INPP5B: variants seen among roughly 807,000 people sequenced by gnomAD.
The protein encoded by INPP5B is type II inositol 1,4,5-trisphosphate 5-phosphatase.
INPP5B carries 90 observed loss-of-function variants against 118.5 expected under a neutral mutation model. The observed-to-expected ratio is 0.76, with a 90% confidence interval of 0.64 to 0.90. The LOEUF (loss-of-function observed/expected upper bound fraction) is 0.90. INPP5B is among the 40% of genes least tolerant of loss of function. The probability of loss-of-function intolerance (pLI) is 0.00; values close to 1 mark genes in which losing one functional copy is unlikely to be tolerated. For missense variants in INPP5B, 984 were observed against 1,125.6 expected, an observed-to-expected ratio of 0.87 and a Z score of 1.80; for synonymous variants, 385 against 418.9, an observed-to-expected ratio of 0.92 and a Z score of 0.99.
At chr1:37,882,091 T>A (rs1360315538) in intron 14 of INPP5B, among the ~76,000 whole-genome samples, 2 of 149,294 alleles carry the variant, frequency 1.3e-5, no homozygotes, top group African/African-American at 4.9e-5. Context: ...AGAGCAAGAC[T>A]CTGTCTCAAA....
At chr1:37,893,822 C>T (rs566579219) in intron 7 of INPP5B, among the ~76,000 whole-genome samples, 21 of 152,322 alleles carry the variant, frequency 1.4e-4, no homozygotes, top group African/African-American at 4.8e-4. Context: ...TGATGCCATG[C>T]TCTAAGCATA....
intron 7 of INPP5B, among the ~76,000 whole-genome samples, chr1:37,903,852 T>G (rs1033909673): frequency 6.6e-6 from 1 of 152,180 alleles, no homozygotes; most frequent in Admixed American, 6.5e-5. Flanking sequence ...ATCACGGCAT[T>G]ATACTTGACG....
At chr1:37,944,962 C>G (rs1244267995) in intron 3 of INPP5B, among the ~76,000 whole-genome samples, 7 of 152,086 alleles carry the variant, frequency 4.6e-5, no homozygotes, top group African/African-American at 7.2e-5. Flanking sequence ...AGGAGTAAAA[C>G]AACTTGCTCA....
At position 37,873,097 on chromosome 1, in the gene INPP5B, C is replaced by T. The variant is rs1013250274; in HGVS notation, c.2020G>A (p.Glu674Lys). ...KMTATKLNSG[E>K]DKIEDILVLH... ...ACCAGAATGTCCTCAATTTTGTCTTCACCCGAGTTGAGCTTTGTAGCTGTC... is the reference window on the plus strand; with the variant it reads ...ACCAGAATGTCCTCAATTTTGTCTTTACCCGAGTTGAGCTTTGTAGCTGTC... Residue 674 changes from glutamate to lysine, a missense_variant, in exon 19 of 24, where the codon GAA becomes AAA. By Grantham distance (56) the Glu-to-Lys change is moderately conservative (BLOSUM62 1). Transcript: ENST00000373024. 5.6e-6 allele frequency: 9 copies of T among 1,614,052 alleles called. No homozygotes were observed. The highest frequency in any genetic ancestry group is 7.6e-6 in the Non-Finnish European group (9 of 1,180,030).
At position 37,945,817 on chromosome 1, in the gene INPP5B, G is replaced by A. The variant is rs182465254; in HGVS notation, c.91C>T (p.Arg31Trp). 1.4e-5 allele frequency: 23 copies of A among 1,614,006 alleles called. No individual in the cohort carries two copies. Among genetic ancestry groups the A allele is most frequent in the East Asian group, 4.5e-5 (2 of 44,868 alleles). Residue 31 changes from arginine (R) to tryptophan (W), a missense_variant, in exon 3 of 24, where the codon CGG becomes TGG. Around this residue, in one of 2 missense-constraint regions of INPP5B, gnomAD observed 350 missense variants for 334.6 expected, o/e 1.05. Coordinates refer to ENST00000373024, the MANE Select transcript of INPP5B (RefSeq NM_005540.3). ...ACGAGTCCCAGGAGGCGGCTCTGCCGGCTGTCCCCCTCACACAGCACACCT... is the reference window on the plus strand; with the variant it reads ...ACGAGTCCCAGGAGGCGGCTCTGCCAGCTGTCCCCCTCACACAGCACACCT... Reference protein sequence around the residue: ...VQGVLCEGDSRQSRLLGLVRY... With the variant: ...VQGVLCEGDSWQSRLLGLVRY...
intron 23 of INPP5B, 91 bp from the exon 24 acceptor site, chr1:37,862,521 T>C: frequency 4.9e-6 from 4 of 814,984 alleles, no homozygotes; most frequent in Admixed American, 3.8e-5. Flanking sequence ...TTCTGAGAAA[T>C]GTGTCATTAG....
chr1:37,912,908 T>C (rs887400745), intron 7 of INPP5B, among the ~76,000 whole-genome samples: 15 of 150,910 alleles, frequency 9.9e-5, no homozygotes, highest in Non-Finnish European at 1.9e-4. Context: ...TTTGCATTTC[T>C]CTTTCCTCTA....
chr1:37,882,890 A>C lies in INPP5B; in HGVS notation c.1348T>G (p.Tyr450Asp). The change falls in exon 14 of 24, where the codon TAC (tyrosine) becomes GAC (aspartate). Residue 450 changes from tyrosine to aspartate, a missense_variant. Coordinates refer to ENST00000373024, the MANE Select transcript of INPP5B (RefSeq NM_005540.3). ...TCCACATCCAGCTCTTCTATCCTGT[A>C]GTTGAGGTCCCCCAGCCACAAGATC... ...DVILWLGDLNYRIEELDVEKV... is the reference protein window; with the variant it reads ...DVILWLGDLNDRIEELDVEKV... 1.2e-6 allele frequency: 2 copies of C among 1,614,052 alleles called. No homozygotes were observed. Among genetic ancestry groups the C allele is most frequent in the Non-Finnish European group, 1.7e-6 (2 of 1,179,988 alleles).
At chr1:37,939,511 C>A (rs1029280756) in intron 6 of INPP5B, among the ~76,000 whole-genome samples, 6 of 147,538 alleles carry the variant, frequency 4.1e-5, no homozygotes, top group African/African-American at 7.4e-5. Context: ...GTGGCGCAAT[C>A]TCGGCTTACT....
chr1:37,897,054 A>G lies in INPP5B; in HGVS notation c.533-5600T>C, dbSNP rs1644134270. The stretch of plus-strand genomic sequence containing the variant: ...GGGGCACCTCTGCCCGGCTGCCCCT[A>G]CTGGGAAGTGAGGAGCCCCTCTGCC... On this transcript the variant is annotated intron_variant, in intron 7 of 23. Coordinates refer to ENST00000373024, the MANE Select transcript of INPP5B (RefSeq NM_005540.3). Among the ~76,000 whole-genome samples the G allele has an allele frequency of 4.9e-5, 7 of 142,234 alleles. No individual in the cohort carries two copies. The South Asian group carries it at 1.6e-3, about 33-fold the overall frequency. 93.3% of individuals were successfully genotyped at this position (142,234 alleles called of 152,430 possible). A position where few individuals can be genotyped will look rare whatever the true frequency, so the allele number is the denominator to read the frequency against.
intron 1 of INPP5B, among the ~76,000 whole-genome samples, 190 bp from the exon 2 acceptor site, chr1:37,946,524 G>T (rs41268247): frequency 0.025 from 3,854 of 152,222 alleles, 93 homozygotes; most frequent in Non-Finnish European, 0.038. Flanking sequence ...AGGGATAGGG[G>T]TCCAGTCCCT....
At chr1:37,924,263 G>A (rs113327736) in intron 7 of INPP5B, among the ~76,000 whole-genome samples, 3,319 of 151,960 alleles carry the variant, frequency 0.022, 120 homozygotes, top group African/African-American at 0.076. Flanking sequence ...CCACCTCTGG[G>A]GTTCAAGCGA....
intron 7 of INPP5B, among the ~76,000 whole-genome samples, chr1:37,904,922 T>C (rs1644456138): frequency 6.6e-6 from 1 of 151,920 alleles, no homozygotes; most frequent in African/African-American, 2.4e-5. Context: ...TTAATGAAAA[T>C]CTTACCTTAT....
chr1:37,936,902 G>A (rs543520776), intron 6 of INPP5B, among the ~76,000 whole-genome samples: 1 of 151,868 alleles, frequency 6.6e-6, no homozygotes, highest in East Asian at 1.9e-4. Context: ...TAATCCTGGC[G>A]CTATCGTTTA....
chr1:37,931,690 C>G, intron 7 of INPP5B: 2 of 1,529,400 alleles, frequency 1.3e-6, no homozygotes, highest in Non-Finnish European at 1.8e-6. Context: ...GTTGCGCTCC[C>G]GAGAGCCGGC....
intron 7 of INPP5B, 30 bp downstream of exon 7, chr1:37,931,883 C>A (rs1368656676): frequency 1.9e-6 from 3 of 1,613,708 alleles, no homozygotes; most frequent in South Asian, 1.1e-5. Flanking sequence ...TCCTCCAATC[C>A]CCACCGTTTC....
In INPP5B at chr1:37,889,711, T is replaced by G; in HGVS notation, c.643A>C (p.Lys215Gln). 1.2e-6 allele frequency: 2 copies of G among 1,611,780 alleles called. No individual in the cohort carries two copies. The highest frequency in any genetic ancestry group is 1.7e-6 in the Non-Finnish European group (2 of 1,179,152). Residue 215 changes from lysine to glutamine, a missense_variant, in exon 9 of 24, where the codon AAG becomes CAG. This residue lies in a region of INPP5B where 350 missense variants were observed against 334.6 expected (regional missense o/e 1.05). Transcript: ENST00000373024. ...CGAACCATGTCAGTAATTTCGGACT[T>G]GGATTTATTCTGTCTGGAAAAACAG... The part of the protein sequence containing the change: ...ESLQPRQNKS[K>Q]SEITDMVRSS...
chr1:37,921,443 T>G (rs1432129154), intron 7 of INPP5B, among the ~76,000 whole-genome samples: 2 of 152,252 alleles, frequency 1.3e-5, no homozygotes, highest in Non-Finnish European at 2.9e-5. Flanking sequence ...AATTGTTTTG[T>G]TACTTTCTTC....
intron 17 of INPP5B, among the ~76,000 whole-genome samples, chr1:37,875,347 C>A (rs146846053): frequency 0.012 from 1,854 of 152,240 alleles, 34 homozygotes; most frequent in African/African-American, 0.042. Context: ...CGGCTCACTG[C>A]AAGCTCCACC....
Sources: gnomAD v4.1 joint callset for allele counts (sites outside exome capture counted in the v4.1 genomes callset) on GRCh38, gnomAD v4.1.1 for gene constraint, gnomAD v4.1.1 regional missense constraint, MANE v1.5 for transcripts, NCBI Gene and HGNC (gene_info 2026-07-23, HGNC 2026-07-21) for gene names.